CAMSAP2: variants seen among roughly 807,000 people sequenced by gnomAD.
The protein encoded by CAMSAP2 is calmodulin-regulated spectrin-associated protein 2.
Under a neutral mutation model 146.1 loss-of-function variants are expected in CAMSAP2, and 26 were observed. That is an observed-to-expected ratio of 0.18 (90% CI 0.13 to 0.25). The LOEUF (loss-of-function observed/expected upper bound fraction) is 0.25, where lower values mean the gene tolerates loss of function less well. Ranked by LOEUF, CAMSAP2 falls within the 10% of genes least tolerant of loss-of-function variation. The probability of loss-of-function intolerance (pLI) is 1.00; values close to 1 mark genes in which losing one functional copy is unlikely to be tolerated. For synonymous variants in CAMSAP2, 499 were observed against 596.6 expected (o/e 0.84, Z 2.38); for missense variants, 1,381 against 1,759.3 (o/e 0.78, Z 3.85).
intron 4 of CAMSAP2, among the ~76,000 whole-genome samples, chr1:200,817,143 T>C (rs183837949): frequency 0.011 from 1,416 of 130,284 alleles, 30 homozygotes; most frequent in African/African-American, 0.037. Context: ...TGTGTATATA[T>C]ACACATACAC....
intron 6 of CAMSAP2, among the ~76,000 whole-genome samples, chr1:200,837,046 T>A (rs1182995009): frequency 2.6e-5 from 4 of 152,182 alleles, no homozygotes; most frequent in Non-Finnish European, 4.4e-5. Flanking sequence ...AAGCTCTCTG[T>A]TCACACTGTT....
rs146463458 is a variant in CAMSAP2, at chr1:200,747,223, G to A, written c.139+7257G>A. 5.4e-4 allele frequency among the ~76,000 whole-genome samples: 82 copies of A among 152,208 alleles called. 1 individual carries two copies. The East Asian group carries it at 0.014, about 26-fold the overall frequency. ...TGACTGCCAGTCACTTTGAGGGAGC[G>A]TATGGAGAAAGAAAGGACCCAAGAC... On this transcript the variant is annotated intron_variant, in intron 1 of 16. Transcript: ENST00000358823.
intron 4 of CAMSAP2, among the ~76,000 whole-genome samples, chr1:200,824,072 C>A (rs1666842643): frequency 6.6e-6 from 1 of 152,076 alleles, no homozygotes; most frequent in Non-Finnish European, 1.5e-5. Context: ...TGAGCACTTC[C>A]TTACTTTCTG....
At chr1:200,817,157 T>C (rs545520407) in intron 4 of CAMSAP2, among the ~76,000 whole-genome samples, 35 of 95,990 alleles carry the variant, frequency 3.6e-4, no homozygotes, top group African/African-American at 1.1e-3. Context: ...CATACACACA[T>C]ACACACACGT....
intron 2 of CAMSAP2, among the ~76,000 whole-genome samples, chr1:200,767,006 TA>T (rs1390609621): frequency 6.6e-6 from 1 of 152,162 alleles, no homozygotes; most frequent in Non-Finnish European, 1.5e-5. Flanking sequence ...TGACAGAGTC[TA>T]GGTGGACATG....
rs772310216 is a variant in CAMSAP2 at position 200,857,834 on chromosome 1, T to C, written c.4212T>C (p.Tyr1404=). 4.6e-5 allele frequency: 74 copies of C among 1,613,688 alleles called. No homozygotes were observed. Among genetic ancestry groups the C allele is most frequent in the East Asian group, 8.9e-5 (4 of 44,864 alleles). Residue 1404 remains tyrosine (Y), a synonymous_variant, in exon 17 of 17, where the codon TAT becomes TAC. Coordinates refer to ENST00000358823, the MANE Select transcript of CAMSAP2 (RefSeq NM_203459.4). The surrounding 1 kb of genome is among the most constrained non-coding windows in gnomAD (Gnocchi z 4.7). ...SGCQFRSLYT[Y]CPETEEINKL... is the part of the protein sequence containing the mutation. ...GCCAGTTCAGATCTTTATACACTTA[T>C]TGCCCAGAAACTGAAGAAATCAATA...
At chr1:200,789,133 T>C (rs12140784) in intron 2 of CAMSAP2, among the ~76,000 whole-genome samples, 44,115 of 152,056 alleles carry the variant, frequency 0.29, 7,274 homozygotes, top group Non-Finnish European at 0.39. Flanking sequence ...AGTCTGTGGC[T>C]TATGTTTTTC....
At chr1:200,791,920 C>A (rs1021300891) in intron 2 of CAMSAP2, among the ~76,000 whole-genome samples, 7 of 151,712 alleles carry the variant, frequency 4.6e-5, no homozygotes, top group African/African-American at 1.7e-4. Flanking sequence ...GAGCCAAGAA[C>A]ACGCCACTGC....
At chr1:200,843,886 T>G (rs956341295) in intron 7 of CAMSAP2, among the ~76,000 whole-genome samples, 2 of 152,114 alleles carry the variant, frequency 1.3e-5, no homozygotes, top group African/African-American at 4.8e-5. Context: ...TTTGTTTTGT[T>G]TTTGAGATGG....
At chr1:200,779,302 A>T (rs965947356) in intron 2 of CAMSAP2, among the ~76,000 whole-genome samples, 1 of 152,202 alleles carries the variant, frequency 6.6e-6, no homozygotes, top group Non-Finnish European at 1.5e-5. Context: ...TTTTTAAAAG[A>T]TAGAAAAGAC....
intron 1 of CAMSAP2, among the ~76,000 whole-genome samples, chr1:200,743,940 C>CAATAAATA (rs57009637): frequency 0.022 from 3,305 of 147,732 alleles, 66 homozygotes; most frequent in East Asian, 0.076. Context: ...GACTCTGTCT[C>CAATAAATA]AATAAATAAA....
chr1:200,795,805 G>T (rs1665869695), intron 2 of CAMSAP2, among the ~76,000 whole-genome samples: 1 of 152,166 alleles, frequency 6.6e-6, no homozygotes, highest in Non-Finnish European at 1.5e-5. Flanking sequence ...AGATGAAAGA[G>T]AACTCTCAAC....
chr1:200,788,215 A>T (rs955064674), intron 2 of CAMSAP2, among the ~76,000 whole-genome samples: 1 of 152,198 alleles, frequency 6.6e-6, no homozygotes, highest in Middle Eastern at 3.2e-3. Flanking sequence ...GATTGCTCAC[A>T]TCTTTTTAGC....
At chr1:200,783,543 C>T (rs1408509921) in intron 2 of CAMSAP2, among the ~76,000 whole-genome samples, 1 of 152,120 alleles carries the variant, frequency 6.6e-6, no homozygotes, top group Non-Finnish European at 1.5e-5. Flanking sequence ...AGTGCAGTGG[C>T]ATGATCACGG....
chr1:200,744,825 A>C (rs1259699286), intron 1 of CAMSAP2, among the ~76,000 whole-genome samples: 2 of 152,166 alleles, frequency 1.3e-5, no homozygotes, highest in Non-Finnish European at 2.9e-5. Context: ...AGGTAGTGCT[A>C]ATGAAACAAC....
intron 6 of CAMSAP2, among the ~76,000 whole-genome samples, 188 bp downstream of exon 6, chr1:200,833,033 C>G (rs147031929): frequency 6.6e-6 from 1 of 151,790 alleles, no homozygotes; most frequent in Non-Finnish European, 1.5e-5. Context: ...TGCACTCCAG[C>G]CTGGGCAACA....
chr1:200,853,639 G>T lies in CAMSAP2; in HGVS notation c.3823+144G>T. On this transcript the variant is annotated intron_variant, in intron 13 of 16. Coordinates refer to ENST00000358823, the MANE Select transcript of CAMSAP2 (RefSeq NM_203459.4). The surrounding 1 kb of genome is among the most constrained non-coding windows in gnomAD (Gnocchi z 5.1). ...GCTCCCTTTTGGAAAACCAAAATGA[G>T]CAAATGAAGTTTTTAATAAATTAAA... 1 of 635,128 alleles carries T rather than the reference G, an allele frequency of 1.6e-6. No individual in the cohort carries two copies. 39.3% of individuals were successfully genotyped at this position (635,128 alleles called of 1,614,324 possible). A position where few individuals can be genotyped will look rare whatever the true frequency, so the allele number is the denominator to read the frequency against.
At chr1:200,760,111 A>G (rs1664761134) in intron 1 of CAMSAP2, among the ~76,000 whole-genome samples, 1 of 152,282 alleles carries the variant, frequency 6.6e-6, no homozygotes, top group East Asian at 1.9e-4. Flanking sequence ...TTTTCTTCCC[A>G]TCTCCCATTT....
chr1:200,761,583 A>G (rs1664802771), intron 2 of CAMSAP2, among the ~76,000 whole-genome samples: 2 of 152,160 alleles, frequency 1.3e-5, no homozygotes, highest in South Asian at 2.1e-4. Context: ...TAAAAATGCA[A>G]AATTAGCCGG....
Sources: allele counts gnomAD v4.1 joint callset (sites outside exome capture counted in the v4.1 genomes callset), GRCh38; gene constraint gnomAD v4.1.1; non-coding constraint Gnocchi (gnomAD v3.1); transcripts MANE v1.5; gene names NCBI Gene and HGNC (gene_info 2026-07-23, HGNC 2026-07-21).